The following SDK1 variants were observed in gnomAD, a reference collection of about 807,000 sequenced individuals.
The protein encoded by SDK1 is sidekick cell adhesion molecule 1.
Under a neutral mutation model 245.5 loss-of-function variants are expected in SDK1, and 157 were observed. That is an observed-to-expected ratio of 0.64 (90% CI 0.56 to 0.73). SDK1 has a LOEUF of 0.73. Among genes scored for constraint, SDK1 ranks in the 30% least tolerant of loss-of-function variants. SDK1 has a pLI of 0.00. For missense variants in SDK1, 3,583 were observed against 3,002.3 expected, an observed-to-expected ratio of 1.19 and a Z score of -4.52; for synonymous variants, 1,647 against 1,278.5, an observed-to-expected ratio of 1.29 and a Z score of -6.15.
At chr7:3,632,469 G>A (rs910980256) in intron 2 of SDK1, among the ~76,000 whole-genome samples, 2 of 152,018 alleles carry the variant, frequency 1.3e-5, no homozygotes, top group African/African-American at 2.4e-5. Context: ...AAAAGTTATC[G>A]AAGATTAACA....
chr7:3,470,126 TCA>T (rs1183049486), intron 1 of SDK1, among the ~76,000 whole-genome samples: 1 of 152,202 alleles, frequency 6.6e-6, no homozygotes, highest in African/African-American at 2.4e-5. Flanking sequence ...GGGCTTAGCA[TCA>T]CAGGAAGAAT....
intron 1 of SDK1, among the ~76,000 whole-genome samples, chr7:3,539,826 C>G (rs757471524): frequency 6.6e-6 from 1 of 152,216 alleles, no homozygotes; most frequent in Admixed American, 6.5e-5. Flanking sequence ...TAAACACTGC[C>G]CATTCTAGGA....
chr7:3,344,051 A>G (rs1048067347), intron 1 of SDK1, among the ~76,000 whole-genome samples: 3 of 151,256 alleles, frequency 2.0e-5, no homozygotes, highest in Non-Finnish European at 4.4e-5. Flanking sequence ...AAATGCATGT[A>G]TATTTTCACT....
intron 1 of SDK1, among the ~76,000 whole-genome samples, chr7:3,380,859 C>T (rs954043209): frequency 6.6e-6 from 1 of 152,084 alleles, no homozygotes; most frequent in Admixed American, 6.5e-5. Flanking sequence ...GAAACCACCC[C>T]CATTAGACTT....
At chr7:3,366,039 CAAA>C (rs59233768) in intron 1 of SDK1, among the ~76,000 whole-genome samples, 1 of 140,212 alleles carries the variant, frequency 7.1e-6, no homozygotes, top group Admixed American at 7.0e-5. Context: ...AATTCTGTCT[CAAA>C]AAAAAAAAAA....
At chr7:3,627,608 C>T (rs1368343750) in intron 2 of SDK1, among the ~76,000 whole-genome samples, 4 of 152,192 alleles carry the variant, frequency 2.6e-5, no homozygotes, top group South Asian at 2.1e-4. Flanking sequence ...CAGTCTCTGC[C>T]GTTGCCACGT....
chr7:3,588,118 G>T (rs1331206229), intron 1 of SDK1, among the ~76,000 whole-genome samples: 1 of 152,074 alleles, frequency 6.6e-6, no homozygotes, highest in Non-Finnish European at 1.5e-5. Context: ...TGCCATTCTC[G>T]TTTTACAGGT....
chr7:3,985,118 A>G (rs1388120850), intron 13 of SDK1, among the ~76,000 whole-genome samples: 1 of 152,084 alleles, frequency 6.6e-6, no homozygotes, highest in Non-Finnish European at 1.5e-5. Context: ...CCTTCCCAGC[A>G]TGGCCAGACC....
chr7:3,651,755 A>G (rs1347114821), intron 4 of SDK1, among the ~76,000 whole-genome samples: 2 of 152,196 alleles, frequency 1.3e-5, no homozygotes, highest in Non-Finnish European at 2.9e-5. Context: ...AAAGACAAAG[A>G]AGAAACCTTA....
At chr7:3,634,476 CTG>C (rs1782394535) in intron 2 of SDK1, among the ~76,000 whole-genome samples, 2 of 152,154 alleles carry the variant, frequency 1.3e-5, no homozygotes, top group African/African-American at 4.8e-5. Context: ...CTGGAAAACA[CTG>C]TGTTAGTTGA....
chr7:3,701,850 A>G (rs572299036), intron 4 of SDK1, among the ~76,000 whole-genome samples: 6 of 151,810 alleles, frequency 4.0e-5, no homozygotes, highest in Non-Finnish European at 4.4e-5. Flanking sequence ...TTTTGACAAA[A>G]GCATAAAAGC....
intron 1 of SDK1, among the ~76,000 whole-genome samples, chr7:3,483,748 A>G (rs1363983727): frequency 1.3e-5 from 2 of 152,120 alleles, no homozygotes; most frequent in East Asian, 3.8e-4. Flanking sequence ...GTACTATTAG[A>G]TGATATTTAT....
intron 2 of SDK1, among the ~76,000 whole-genome samples, chr7:3,636,519 A>T (rs770280306): frequency 1.1e-4 from 16 of 152,212 alleles, no homozygotes; most frequent in Non-Finnish European, 1.5e-4. Context: ...ACGTCATGCT[A>T]TGTAGCAAAT....
At position 3,842,162 on chromosome 7, in the gene SDK1, C is replaced by A. The variant is rs562402262; in HGVS notation, c.847+20579C>A. Among the ~76,000 whole-genome samples, 52 of 152,324 alleles carry A rather than the reference C, an allele frequency of 3.4e-4. 1 individual carries two copies. Among genetic ancestry groups the A allele is most frequent in the African/African-American group, 1.3e-3 (52 of 41,564 alleles). ...TGTCCTTCCCAGGGCTGGCCTGAAT[C>A]ACCAGGGGTAATGGAAGTCCCTTCA... On this transcript the variant is annotated intron_variant, in intron 5 of 44. Coordinates refer to ENST00000404826, the MANE Select transcript of SDK1 (RefSeq NM_152744.4).
At chr7:3,795,929 A>G (rs1471880786) in intron 4 of SDK1, among the ~76,000 whole-genome samples, 1 of 152,202 alleles carries the variant, frequency 6.6e-6, no homozygotes, top group Non-Finnish European at 1.5e-5. Flanking sequence ...TGGGAAGGTA[A>G]TGATTCATGA....
chr7:3,630,520 C>T (rs1012197053), intron 2 of SDK1, among the ~76,000 whole-genome samples: 1 of 152,030 alleles, frequency 6.6e-6, no homozygotes, highest in Non-Finnish European at 1.5e-5. Context: ...CCTATAATCC[C>T]AGTTAGTTGG....
chr7:3,603,533 G>A (rs1236373674), intron 1 of SDK1, among the ~76,000 whole-genome samples: 1 of 151,932 alleles, frequency 6.6e-6, no homozygotes, highest in Non-Finnish European at 1.5e-5. Flanking sequence ...CATTGATTTT[G>A]TATCCTGAGA....
chr7:3,859,776 C>T (rs951581235), intron 5 of SDK1, among the ~76,000 whole-genome samples: 3 of 152,206 alleles, frequency 2.0e-5, no homozygotes, highest in African/African-American at 7.2e-5. Flanking sequence ...ACCTGTGTCA[C>T]TCACGTCACA....
chr7:4,039,892 C>G (rs1788488509), intron 17 of SDK1, among the ~76,000 whole-genome samples: 1 of 151,094 alleles, frequency 6.6e-6, no homozygotes, highest in Non-Finnish European at 1.5e-5. Flanking sequence ...CACCTAATAC[C>G]AGATAATAAT....
Sources: allele counts gnomAD v4.1 joint callset (sites outside exome capture counted in the v4.1 genomes callset), GRCh38; gene constraint gnomAD v4.1.1; transcripts MANE v1.5; gene names NCBI Gene and HGNC (gene_info 2026-07-23, HGNC 2026-07-21).